The following ABAT variants were observed in gnomAD, a reference collection of about 807,000 sequenced individuals.
ABAT encodes 4-aminobutyrate aminotransferase, mitochondrial.
In ABAT, 45 loss-of-function variants were observed where a neutral mutation model predicts 64.6. The observed-to-expected ratio is 0.70, with a 90% CI of 0.55 to 0.89. ABAT has a LOEUF of 0.89. ABAT is among the 40% of genes least tolerant of loss of function. The pLI is 0.00. For synonymous variants in ABAT, 297 were observed against 250.5 expected, an observed-to-expected ratio of 1.19 and a Z score of -1.75; for missense variants, 633 against 658.4, an observed-to-expected ratio of 0.96 and a Z score of 0.42.
chr16:8,745,451 C>T (rs1374417307), intron 2 of ABAT, among the ~76,000 whole-genome samples: 3 of 152,062 alleles, frequency 2.0e-5, no homozygotes, highest in African/African-American at 4.8e-5. Context: ...AATCCCAGCA[C>T]TTTGGGAGGT....
At chr16:8,728,291 T>C (rs1371378114) in intron 1 of ABAT, among the ~76,000 whole-genome samples, 2 of 152,228 alleles carry the variant, frequency 1.3e-5, no homozygotes, top group East Asian at 3.8e-4. Context: ...CACCAAAATG[T>C]CACCACGGTA....
intron 1 of ABAT, among the ~76,000 whole-genome samples, chr16:8,717,203 T>C (rs1437794964): frequency 1.3e-5 from 2 of 152,076 alleles, no homozygotes; most frequent in African/African-American, 2.4e-5. Context: ...GGCAGGAGAA[T>C]CGCTTGAACC....
chr16:8,732,130 G>T (rs1596434270), intron 1 of ABAT, among the ~76,000 whole-genome samples: 1 of 151,772 alleles, frequency 6.6e-6, no homozygotes, highest in East Asian at 1.9e-4. Flanking sequence ...TGGGATTAGA[G>T]GCATGAGTCA....
At position 8,776,567 on chromosome 16, in the gene ABAT, T is replaced by C. The variant is rs2060269710; in HGVS notation, c.1269+77T>C. ...GCCTCCGGGGCAACACTGGAGCTCT[T>C]CGGCATGGTGTTGTGCCTGCTGTTC... is the stretch of plus-strand genomic sequence containing the variant. On this transcript the variant is annotated intron_variant, in intron 14 of 15. Transcript: ENST00000268251. This position sits in a 1 kb window ranked among gnomAD's most constrained non-coding sequence, Gnocchi z 4.4. 2 of 1,438,132 alleles carry C rather than the reference T, an allele frequency of 1.4e-6. No homozygotes were observed. Among genetic ancestry groups the C allele is most frequent in the African/African-American group, 1.4e-5 (1 of 70,888 alleles). 89.1% of individuals were successfully genotyped at this position (1,438,132 alleles called of 1,614,324 possible). A position where few individuals can be genotyped will look rare whatever the true frequency, so the allele number is the denominator to read the frequency against.
At chr16:8,695,220 C>T (rs2057675519) in intron 1 of ABAT, among the ~76,000 whole-genome samples, 1 of 152,184 alleles carries the variant, frequency 6.6e-6, no homozygotes, top group Admixed American at 6.5e-5. Flanking sequence ...GGAGAAAGTG[C>T]TGAGTCTACA....
chr16:8,761,673 C>T (rs1479003822), intron 6 of ABAT, among the ~76,000 whole-genome samples: 7 of 152,182 alleles, frequency 4.6e-5, no homozygotes, highest in African/African-American at 1.2e-4. Context: ...AAAAGGTTTC[C>T]AGCAGGACAT....
At chr16:8,763,493 G>A (rs1441963600) in intron 6 of ABAT, among the ~76,000 whole-genome samples, 6 of 152,226 alleles carry the variant, frequency 3.9e-5, no homozygotes, top group Admixed American at 3.3e-4. Context: ...CCTATACAGT[G>A]ATGCTGGTTT....
At chr16:8,749,638 C>CA (rs2059424019) in intron 4 of ABAT, among the ~76,000 whole-genome samples, 1 of 151,836 alleles carries the variant, frequency 6.6e-6, no homozygotes, top group African/African-American at 2.4e-5. Context: ...TCAGGTAATC[C>CA]ACCTGCCTCA....
chr16:8,781,900 C>T lies in ABAT; in HGVS notation c.*470C>T. On this transcript the variant is annotated 3_prime_UTR_variant, in exon 16 of 16. Transcript: ENST00000268251. This position sits in a 1 kb window ranked among gnomAD's most constrained non-coding sequence, Gnocchi z 4.5. ...AGCAAACACACTCTCACCTCCTCTCCCAGCCTCCCGGAGCTCTGAGCACGC... is the reference window on the plus strand; with the variant it reads ...AGCAAACACACTCTCACCTCCTCTCTCAGCCTCCCGGAGCTCTGAGCACGC... The T allele has an allele frequency of 3.2e-6, 1 of 313,048 alleles. No homozygotes were observed. The highest frequency in any genetic ancestry group is 6.2e-6 in the Non-Finnish European group (1 of 161,132). 19.4% of individuals were successfully genotyped at this position (313,048 alleles called of 1,614,324 possible).
intron 1 of ABAT, among the ~76,000 whole-genome samples, chr16:8,686,363 G>A (rs1253096284): frequency 6.6e-6 from 1 of 152,246 alleles, no homozygotes; most frequent in African/African-American, 2.4e-5. Flanking sequence ...ACACAGAAGA[G>A]TGTGGACATT....
At chr16:8,744,973 G>A (rs932445021) in intron 2 of ABAT, among the ~76,000 whole-genome samples, 1 of 152,074 alleles carries the variant, frequency 6.6e-6, no homozygotes, top group Non-Finnish European at 1.5e-5. Flanking sequence ...TGGACATGTA[G>A]GTTGTTTTCC....
intron 12 of ABAT, 35 bp downstream of exon 12, chr16:8,772,952 T>C: frequency 6.2e-7 from 1 of 1,611,870 alleles, no homozygotes; most frequent in Non-Finnish European, 8.5e-7. Context: ...ATGGAGCCAT[T>C]GGGTTTTCTG....
chr16:8,683,854 A>G (rs2057390715), intron 1 of ABAT, among the ~76,000 whole-genome samples: 1 of 105,034 alleles, frequency 9.5e-6, no homozygotes, highest in African/African-American at 3.3e-5. Flanking sequence ...AGACGTAGCC[A>G]TCTGGCATTC....
At chr16:8,717,928 T>A (rs1423729317) in intron 1 of ABAT, among the ~76,000 whole-genome samples, 1 of 152,072 alleles carries the variant, frequency 6.6e-6, no homozygotes, top group Non-Finnish European at 1.5e-5. Flanking sequence ...ATGCTGGGAT[T>A]ACACATCAGG....
At chr16:8,689,895 G>C (rs1389438558) in intron 1 of ABAT, among the ~76,000 whole-genome samples, 1 of 152,158 alleles carries the variant, frequency 6.6e-6, no homozygotes, top group Non-Finnish European at 1.5e-5. Context: ...TGGTGATAGG[G>C]ACCAGACCTC....
intron 1 of ABAT, among the ~76,000 whole-genome samples, chr16:8,708,680 T>C (rs1249551335): frequency 6.6e-6 from 1 of 152,212 alleles, no homozygotes; most frequent in Non-Finnish European, 1.5e-5. Context: ...ATGACTGACA[T>C]GTAATAAATA....
At chr16:8,711,552 A>C (rs532333561) in intron 1 of ABAT, among the ~76,000 whole-genome samples, 1 of 152,346 alleles carries the variant, frequency 6.6e-6, no homozygotes, top group African/African-American at 2.4e-5. Context: ...AGAGAAGATG[A>C]TGACTGTGAG....
chr16:8,763,796 C>A (rs891047548), intron 6 of ABAT, among the ~76,000 whole-genome samples: 1 of 152,220 alleles, frequency 6.6e-6, no homozygotes, highest in Non-Finnish European at 1.5e-5. Flanking sequence ...GTACGCTTCG[C>A]TCAGTTTTCC....
chr16:8,723,702 A>T (rs897441388), intron 1 of ABAT, among the ~76,000 whole-genome samples: 1 of 151,366 alleles, frequency 6.6e-6, no homozygotes, highest in African/African-American at 2.4e-5. Flanking sequence ...GAGAGGCATC[A>T]CTATCTCCAA....
Sources: gnomAD v4.1 joint callset for allele counts (sites outside exome capture counted in the v4.1 genomes callset) on GRCh38, gnomAD v4.1.1 for gene constraint, Gnocchi (gnomAD v3.1) non-coding constraint, MANE v1.5 for transcripts, NCBI Gene and HGNC (gene_info 2026-07-23, HGNC 2026-07-21) for gene names.